The following DMD variants were observed in gnomAD, a reference collection of about 807,000 sequenced individuals.
DMD encodes the protein mutant dystrophin.
Under a neutral mutation model 330.1 loss-of-function variants are expected in DMD, and 63 were observed. The observed-to-expected ratio is 0.19, with a 90% CI of 0.16 to 0.24. DMD has a LOEUF of 0.24. DMD is among the 10% of genes least tolerant of loss of function. DMD has a pLI of 1.00. For missense variants in DMD, 3,344 were observed against 2,684.1 expected (o/e 1.25, Z -5.43); for synonymous variants, 1,223 against 959.8 (o/e 1.27, Z -5.07).
At chrX:32,886,493 C>T (rs1048852839) in intron 2 of DMD, among the ~76,000 whole-genome samples, 1 of 110,181 alleles carries the variant, frequency 9.1e-6, no homozygotes, top group African/African-American at 3.3e-5. Flanking sequence ...ACCATCCTGG[C>T]GAACACGGTG....
chrX:32,263,128 T>A (rs1350367219), intron 43 of DMD, among the ~76,000 whole-genome samples: 2 of 112,308 alleles, frequency 1.8e-5, no homozygotes, highest in Non-Finnish European at 3.8e-5. Context: ...ATATCTGAAG[T>A]AATCATTTAA....
At chrX:31,185,491 T>G (rs1373355686) in intron 67 of DMD, among the ~76,000 whole-genome samples, 1 of 112,178 alleles carries the variant, frequency 8.9e-6, no homozygotes, top group Non-Finnish European at 1.9e-5. Context: ...TGTAAACCCA[T>G]ACAGTTTTAA....
At chrX:32,846,855 A>C (rs1482668795) in intron 3 of DMD, among the ~76,000 whole-genome samples, 1 of 109,560 alleles carries the variant, frequency 9.1e-6, no homozygotes, top group African/African-American at 3.3e-5. Context: ...AAAAATACAA[A>C]ACTTAGCCAG....
At chrX:32,963,601 T>C (rs950379739) in intron 2 of DMD, among the ~76,000 whole-genome samples, 3 of 112,636 alleles carry the variant, frequency 2.7e-5, no homozygotes, top group Admixed American at 1.9e-4. Flanking sequence ...AATCCAAATA[T>C]TGAAATGAGC....
At chrX:32,576,300 C>A (rs1284023102) in intron 13 of DMD, among the ~76,000 whole-genome samples, 1 of 111,218 alleles carries the variant, frequency 9.0e-6, no homozygotes, top group East Asian at 2.8e-4. Context: ...TTGAGCAACC[C>A]CAGCATGCGA....
Position 33,233,617 on chromosome X carries a change from A to G in DMD, c.7+105642T>C, listed in dbSNP as rs2052426647. On this transcript the variant is annotated intron_variant, in intron 1 of 17. Coordinates refer to the DMD transcript ENST00000288447. ...TGACAAAATTATAGACATGAAGAAC[A>G]GATTAATGGTTGCCACATGTTAGGC... Among the ~76,000 whole-genome samples, 3 of 112,463 alleles carry G rather than the reference A, an allele frequency of 2.7e-5. No individual in the cohort carries two copies. In the South Asian group the frequency reaches 1.1e-3, roughly 41 times the overall value.
chrX:32,049,936 A>G (rs1459121276), intron 44 of DMD, among the ~76,000 whole-genome samples: 1 of 111,549 alleles, frequency 9.0e-6, no homozygotes, highest in Non-Finnish European at 1.9e-5. Context: ...GTTGTATTGT[A>G]TCTTGACATC....
rs149581360 is a variant in DMD at position 31,695,146 on chromosome X, C to T, written c.7661-15560G>A. Among the ~76,000 whole-genome samples the T allele has an allele frequency of 1.8e-3, 196 of 111,259 alleles. 1 individual carries two copies. Among genetic ancestry groups the T allele is most frequent in the African/African-American group, 5.9e-3 (182 of 30,737 alleles). ...TCTTGGATGGAACTGGAGGTCATTA[C>T]ATTAAATGAAATAAGCCAGTCACAG... On this transcript the variant is annotated intron_variant, in intron 52 of 78. Coordinates refer to ENST00000357033, the MANE Select transcript of DMD (RefSeq NM_004006.3).
chrX:32,540,542 G>A (rs373911160), intron 17 of DMD, among the ~76,000 whole-genome samples: 2 of 111,179 alleles, frequency 1.8e-5, no homozygotes, highest in East Asian at 5.7e-4. Flanking sequence ...GAAGAGCTAG[G>A]TAGAATTTTT....
chrX:33,246,543 G>C (rs1323771518), intron 1 of DMD, among the ~76,000 whole-genome samples: 1 of 111,540 alleles, frequency 9.0e-6, no homozygotes, highest in Non-Finnish European at 1.9e-5. Context: ...GACAATTTAG[G>C]ACACTGATGA....
intron 7 of DMD, among the ~76,000 whole-genome samples, chrX:32,790,901 C>G (rs1022427186): frequency 1.8e-5 from 2 of 111,255 alleles, no homozygotes; most frequent in Non-Finnish European, 3.8e-5. Context: ...CTGGGGAGCA[C>G]CTTGCCCCTC....
intron 2 of DMD, among the ~76,000 whole-genome samples, chrX:32,904,390 TAAG>T (rs1416334936): frequency 9.0e-6 from 1 of 110,934 alleles, no homozygotes; most frequent in Admixed American, 9.7e-5. Flanking sequence ...AGAAAGATTA[TAAG>T]AAGAGGTGTA....
At chrX:32,418,972 C>CAAA (rs1160282195) in intron 29 of DMD, among the ~76,000 whole-genome samples, 161 of 13,502 alleles carry the variant, frequency 0.012, 20 homozygotes, top group African/African-American at 0.026. Flanking sequence ...GACTCTGTCT[C>CAAA]AAAAAAAAAA....
chrX:31,831,811 C>T (rs749345434), intron 49 of DMD, among the ~76,000 whole-genome samples: 3 of 111,945 alleles, frequency 2.7e-5, no homozygotes, highest in East Asian at 5.6e-4. Flanking sequence ...ACCATGTTAG[C>T]CAGGATGGTC....
At chrX:31,306,078 C>CT (rs1230749625) in intron 62 of DMD, among the ~76,000 whole-genome samples, 1 of 111,679 alleles carries the variant, frequency 9.0e-6, no homozygotes, top group African/African-American at 3.3e-5. Flanking sequence ...AAAAGTTTGT[C>CT]TTTTTTCTTT....
At chrX:33,199,699 A>T (rs763390143) in intron 1 of DMD, among the ~76,000 whole-genome samples, 13 of 111,364 alleles carry the variant, frequency 1.2e-4, no homozygotes, top group Non-Finnish European at 2.1e-4. Flanking sequence ...TTATGCTAGG[A>T]CTAGATCCCA....
At chrX:32,971,019 T>C (rs768391495) in intron 2 of DMD, among the ~76,000 whole-genome samples, 3 of 110,399 alleles carry the variant, frequency 2.7e-5, no homozygotes, top group Non-Finnish European at 5.7e-5. Context: ...TGGAGTGCAG[T>C]GGCGCAATTT....
chrX:33,101,541 G>A (rs1036715158), intron 1 of DMD, among the ~76,000 whole-genome samples: 7 of 111,904 alleles, frequency 6.3e-5, no homozygotes, highest in Non-Finnish European at 1.3e-4. Flanking sequence ...TAAGGCAGGA[G>A]AATCGCTTGA....
chrX:32,820,702 C>T (rs888041686), intron 5 of DMD, among the ~76,000 whole-genome samples: 1 of 111,337 alleles, frequency 9.0e-6, no homozygotes, highest in Non-Finnish European at 1.9e-5. Context: ...TTACGCAAAG[C>T]GGGATCTGCA....
Sources: allele counts gnomAD v4.1 joint callset (sites outside exome capture counted in the v4.1 genomes callset), GRCh38; gene constraint gnomAD v4.1.1; transcripts MANE v1.5; gene names NCBI Gene and HGNC (gene_info 2026-07-23, HGNC 2026-07-21).